The following GRM7 variants were observed in gnomAD, a reference collection of about 807,000 sequenced individuals.
GRM7 encodes metabotropic glutamate receptor 7.
In GRM7, 35 loss-of-function variants were observed where a neutral mutation model predicts 84.5. That is an observed-to-expected ratio of 0.41 (90% CI 0.32 to 0.55). GRM7 has a LOEUF of 0.55. Ranked by LOEUF, GRM7 falls within the 20% of genes least tolerant of loss-of-function variation. The probability of loss-of-function intolerance (pLI) is 0.19; values close to 1 mark genes in which losing one functional copy is unlikely to be tolerated. For synonymous variants in GRM7, 487 were observed against 455.1 expected, an observed-to-expected ratio of 1.07 and a Z score of -0.89; for missense variants, 1,003 against 1,194.6, an observed-to-expected ratio of 0.84 and a Z score of 2.36.
intron 1 of GRM7, among the ~76,000 whole-genome samples, chr3:7,090,197 A>G (rs1698613424): frequency 6.6e-6 from 1 of 152,192 alleles, no homozygotes; most frequent in African/African-American, 2.4e-5. Context: ...AAAACATTTT[A>G]AAAAGGAATA....
chr3:7,009,058 C>G (rs1695281798), intron 1 of GRM7, among the ~76,000 whole-genome samples: 1 of 152,130 alleles, frequency 6.6e-6, no homozygotes. Context: ...GAAATAATTT[C>G]AAAATTATCA....
chr3:7,211,492 T>G (rs1327552788), intron 2 of GRM7, among the ~76,000 whole-genome samples: 1 of 152,142 alleles, frequency 6.6e-6, no homozygotes, highest in Non-Finnish European at 1.5e-5. Context: ...CCCTACCTGG[T>G]AAAGCCTTGC....
intron 7 of GRM7, among the ~76,000 whole-genome samples, chr3:7,547,194 CTTTTTTTTTTTTTTT>C (rs55678792): frequency 3.9e-5 from 3 of 76,426 alleles, no homozygotes; most frequent in Non-Finnish European, 7.1e-5. Flanking sequence ...AGAGTGAATT[CTTTTTTTTTTTTTTT>C]TTTTTTTTTT....
At chr3:6,996,411 T>C (rs1694832974) in intron 1 of GRM7, among the ~76,000 whole-genome samples, 1 of 152,206 alleles carries the variant, frequency 6.6e-6, no homozygotes, top group African/African-American at 2.4e-5. Context: ...ATTTCTGAAG[T>C]GTTCATAACA....
At chr3:6,897,738 C>A (rs143690362) in intron 1 of GRM7, among the ~76,000 whole-genome samples, 1 of 152,286 alleles carries the variant, frequency 6.6e-6, no homozygotes, top group East Asian at 1.9e-4. Context: ...TTAAGAAGTT[C>A]ATCAAACAAG....
chr3:7,437,061 C>A (rs114626695), intron 5 of GRM7, among the ~76,000 whole-genome samples: 1 of 152,122 alleles, frequency 6.6e-6, no homozygotes, highest in African/African-American at 2.4e-5. Flanking sequence ...TCACACCAAC[C>A]CTGTAGCATG....
chr3:7,109,698 A>G (rs537871872), intron 1 of GRM7, among the ~76,000 whole-genome samples: 1 of 152,298 alleles, frequency 6.6e-6, no homozygotes, highest in East Asian at 1.9e-4. Context: ...AAAATAAAAG[A>G]TGATATCAAA....
Position 7,080,371 on chromosome 3 carries a change from G to A in GRM7, c.520-66081G>A, listed in dbSNP as rs528755360. On this transcript the variant is annotated intron_variant, in intron 1 of 9. Transcript: ENST00000357716. ...GCTGTGTACTCTTCGCTTTGGTGAT[G>A]TGATTCATAGTCATGAAATTATTGA... 9.2e-5 allele frequency among the ~76,000 whole-genome samples: 14 copies of A among 152,114 alleles called. No homozygotes were observed. In the East Asian group the frequency reaches 2.7e-3, roughly 29 times the overall value.
chr3:7,354,305 T>C (rs928661495), intron 4 of GRM7, among the ~76,000 whole-genome samples: 6 of 152,094 alleles, frequency 3.9e-5, no homozygotes, highest in African/African-American at 1.4e-4. Flanking sequence ...CTCTAATTAG[T>C]GTAGAGCTTA....
chr3:6,911,294 C>T (rs1015548454), intron 1 of GRM7, among the ~76,000 whole-genome samples: 1 of 152,046 alleles, frequency 6.6e-6, no homozygotes, highest in Non-Finnish European at 1.5e-5. Flanking sequence ...TTTTCTTTTG[C>T]CATTCCCTTA....
chr3:6,918,514 G>A (rs1362840287), intron 1 of GRM7, among the ~76,000 whole-genome samples: 1 of 152,160 alleles, frequency 6.6e-6, no homozygotes, highest in Non-Finnish European at 1.5e-5. Flanking sequence ...CTTGGAGAAA[G>A]TTTCTTAACC....
At chr3:7,410,202 G>A (rs1310604438) in intron 4 of GRM7, among the ~76,000 whole-genome samples, 1 of 152,128 alleles carries the variant, frequency 6.6e-6, no homozygotes, top group Non-Finnish European at 1.5e-5. Flanking sequence ...GGTGTTACTA[G>A]ATCTTCTAAC....
At chr3:6,931,483 TC>T (rs890572887) in intron 1 of GRM7, among the ~76,000 whole-genome samples, 1 of 152,140 alleles carries the variant, frequency 6.6e-6, no homozygotes, top group African/African-American at 2.4e-5. Context: ...ATTCATTTGT[TC>T]CTTCAATTTC....
At chr3:7,523,445 G>A (rs56964503) in intron 7 of GRM7, among the ~76,000 whole-genome samples, 6,462 of 152,140 alleles carry the variant, frequency 0.042, 431 homozygotes, top group African/African-American at 0.14. Context: ...TTGCTAGGCC[G>A]GACTTTAATG....
At chr3:7,393,039 G>A (rs1695063318) in intron 4 of GRM7, among the ~76,000 whole-genome samples, 1 of 152,126 alleles carries the variant, frequency 6.6e-6, no homozygotes, top group Non-Finnish European at 1.5e-5. Context: ...AGACCAGAGA[G>A]GGCAGGCTAC....
At chr3:7,144,168 A>AT in intron 1 of GRM7, among the ~76,000 whole-genome samples, 1 of 152,156 alleles carries the variant, frequency 6.6e-6, no homozygotes, top group African/African-American at 2.4e-5. Flanking sequence ...TTTAATGCTT[A>AT]TTTAAAAAAT....
chr3:7,656,809 G>A (rs1224947326), intron 8 of GRM7, among the ~76,000 whole-genome samples: 1 of 152,018 alleles, frequency 6.6e-6, no homozygotes, highest in Non-Finnish European at 1.5e-5. Context: ...AAAATAATTG[G>A]AGTTTTCACA....
intron 1 of GRM7, among the ~76,000 whole-genome samples, chr3:7,099,262 C>A (rs1698969791): frequency 7.5e-6 from 1 of 133,072 alleles, no homozygotes; most frequent in African/African-American, 3.5e-5. Context: ...ATGTATTATA[C>A]ATGTATATAT....
At chr3:7,146,750 A>T in intron 2 of GRM7, 82 bp downstream of exon 2, 1 of 903,164 alleles carries the variant, frequency 1.1e-6, no homozygotes, top group Non-Finnish European at 1.8e-6. Flanking sequence ...TCATTAAATA[A>T]ACACTACAGA....
Sources: gnomAD v4.1 joint callset for allele counts (sites outside exome capture counted in the v4.1 genomes callset) on GRCh38, gnomAD v4.1.1 for gene constraint, MANE v1.5 for transcripts, NCBI Gene and HGNC (gene_info 2026-07-23, HGNC 2026-07-21) for gene names.